Variants in DOP1A observed in about 807,000 individuals in gnomAD.
DOP1A encodes the protein protein DOP1A.
In DOP1A, 90 loss-of-function variants were observed where a neutral mutation model predicts 267.6. The observed-to-expected ratio is 0.34, with a 90% CI of 0.28 to 0.40. DOP1A has a LOEUF of 0.40. DOP1A is among the 10% of genes least tolerant of loss of function. The pLI is 1.00. For missense variants in DOP1A, 2,437 were observed against 2,900.4 expected (o/e 0.84, Z 3.67); for synonymous variants, 932 against 999.1 (o/e 0.93, Z 1.27).
downstream of DOP1A, chr6:83,169,780 C>A (rs1192625110): frequency 8.7e-6 from 4 of 457,604 alleles, no homozygotes; most frequent in Non-Finnish European, 1.8e-5. Flanking sequence ...TGGCTTTGCA[C>A]ACACTTTAAG....
chr6:83,168,957 C>T (rs951678634), downstream of DOP1A: 1 of 1,174,164 alleles, frequency 8.5e-7, no homozygotes, highest in African/African-American at 1.5e-5. Flanking sequence ...TTGTTCCCCA[C>T]ATAAAACTGT....
rs70987733 is a variant in DOP1A, at chr6:83,105,356, CTTTTTTTTTT to C, written c.321-3535_321-3526del. Among the ~76,000 whole-genome samples, 75 of 65,946 alleles carry C rather than the reference CTTTTTTTTTT, an allele frequency of 1.1e-3. No homozygotes were observed. The East Asian group carries it at 0.017, about 15-fold the overall frequency. 43.3% of individuals were successfully genotyped at this position (65,946 alleles called of 152,430 possible). On this transcript the variant is annotated intron_variant, in intron 4 of 38. Transcript: ENST00000349129. The stretch of plus-strand genomic sequence containing the variant: ...AAGAGAAATGAACATGGATGTCTTT[CTTTTTTTTTT>C]TTTTTTTTTTTTTTTTTTGAGACAG...
At chr6:83,102,196 A>G (rs1034587383) in intron 4 of DOP1A, among the ~76,000 whole-genome samples, 21 of 152,254 alleles carry the variant, frequency 1.4e-4, no homozygotes, top group Admixed American at 4.6e-4. Flanking sequence ...TTAAAGCTCA[A>G]TAAATGGTAT....
intron 27 of DOP1A, among the ~76,000 whole-genome samples, chr6:83,149,335 G>A (rs944603146): frequency 2.6e-5 from 4 of 152,178 alleles, no homozygotes; most frequent in African/African-American, 9.7e-5. Context: ...CAAGTACTGG[G>A]ATGTCATAGT....
Position 83,137,296 on chromosome 6 carries a change from G to A in DOP1A, c.3254G>A (p.Ser1085Asn). 1 of 1,613,748 alleles carries A rather than the reference G, an allele frequency of 6.2e-7. No homozygotes were observed. The change falls in exon 21 of 39, where the codon AGC (serine) becomes AAC (asparagine). Residue 1085 changes from serine to asparagine, a missense_variant. Transcript: ENST00000349129. ...LSDRLSLLST[S>N]SETIPMVVSD... The stretch of plus-strand genomic sequence containing the variant: ...GACAGACTTTCCCTCCTAAGTACCA[G>A]CAGTGAGACAATTCCAATGGTTGTG...
chr6:83,141,754 A>G (rs1457053564), intron 23 of DOP1A, among the ~76,000 whole-genome samples, 167 bp from the exon 24 acceptor site: 1 of 152,152 alleles, frequency 6.6e-6, no homozygotes, highest in Non-Finnish European at 1.5e-5. Flanking sequence ...TTTTAGAATT[A>G]TAGTCATATT....
intron 7 of DOP1A, among the ~76,000 whole-genome samples, chr6:83,116,464 G>A (rs1390305850): frequency 6.6e-6 from 1 of 152,096 alleles, no homozygotes; most frequent in African/African-American, 2.4e-5. Flanking sequence ...TAGATATTGG[G>A]AGAAACTTTT....
At position 83,168,265 on chromosome 6, in the gene DOP1A, C is replaced by T; in HGVS notation, c.*98C>T. 1 of 1,456,518 alleles carries T rather than the reference C, an allele frequency of 6.9e-7. No individual in the cohort carries two copies. Among genetic ancestry groups the T allele is most frequent in the Non-Finnish European group, 9.0e-7 (1 of 1,111,612 alleles). 90.2% of individuals were successfully genotyped at this position (1,456,518 alleles called of 1,614,324 possible). A position where few individuals can be genotyped will look rare whatever the true frequency, so the allele number is the denominator to read the frequency against. On this transcript the variant is annotated 3_prime_UTR_variant, in exon 39 of 39. Transcript: ENST00000349129. ...ATAGTTTTTCCTTTTTTGTATGTAA[C>T]AGAACACATTTCAGATTGTATTTAA...
intron 3 of DOP1A, among the ~76,000 whole-genome samples, chr6:83,099,680 A>G (rs181424790): frequency 0.053 from 7,423 of 138,980 alleles, 234 homozygotes; most frequent in Non-Finnish European, 0.083. Flanking sequence ...AGGATTGCAT[A>G]TGTGTGTGTG....
At chr6:83,104,104 A>G (rs188277425) in intron 4 of DOP1A, among the ~76,000 whole-genome samples, 60 of 152,266 alleles carry the variant, frequency 3.9e-4, no homozygotes, top group Non-Finnish European at 7.8e-4. Flanking sequence ...TTTGCTTGGT[A>G]TATTGCTGCT....
chr6:83,116,066 T>A (rs928643600), intron 7 of DOP1A, among the ~76,000 whole-genome samples: 7 of 152,220 alleles, frequency 4.6e-5, no homozygotes, highest in African/African-American at 1.7e-4. Context: ...ATTTGTTCTT[T>A]TGGTTAAAGT....
chr6:83,108,400 A>C (rs1196252504), intron 4 of DOP1A, among the ~76,000 whole-genome samples: 2 of 151,954 alleles, frequency 1.3e-5, no homozygotes, highest in Non-Finnish European at 2.9e-5. Context: ...CTGGTCTTAA[A>C]CTCCTGGGCC....
Position 83,118,893 on chromosome 6 carries a change from T to G in DOP1A, c.786T>G (p.Thr262=). ...FCFPFHMSQA[T]RPDMIRILSA... ...CATATTCCTAACTCTTTCAGGCCACTCGACCGGATATGATCAGGATCTTGT... is the reference window on the plus strand; with the variant it reads ...CATATTCCTAACTCTTTCAGGCCACGCGACCGGATATGATCAGGATCTTGT... The change falls in exon 8 of 39, where the codon ACT becomes ACG. Residue 262 remains threonine, a synonymous_variant. Transcript: ENST00000349129. The G allele has an allele frequency of 6.2e-7, 1 of 1,613,546 alleles. No individual in the cohort carries two copies. Among genetic ancestry groups the G allele is most frequent in the Non-Finnish European group, 8.5e-7 (1 of 1,179,574 alleles).
intron 1 of DOP1A, among the ~76,000 whole-genome samples, chr6:83,090,870 A>G (rs922282731): frequency 9.9e-5 from 15 of 152,172 alleles, no homozygotes; most frequent in South Asian, 2.1e-4. Flanking sequence ...TATAATGACA[A>G]TTTTATTTGC....
chr6:83,137,781 A>T lies in DOP1A; in HGVS notation c.3739A>T (p.Thr1247Ser), dbSNP rs779093723. 3.7e-6 allele frequency: 6 copies of T among 1,613,664 alleles called. No homozygotes were observed. In the South Asian group the frequency reaches 6.6e-5, roughly 18 times the overall value. ...ACCTTGTATTTCAGGAACCACACAC[A>T]CTCTTCATGACTCTTCTGTTGCTTC... is the stretch of plus-strand genomic sequence containing the variant. ...SSPCISGTTH[T>S]LHDSSVASIE... The change falls in exon 21 of 39, where the codon ACT becomes TCT. Residue 1247 changes from threonine to serine, a missense_variant. Transcript: ENST00000349129.
chr6:83,132,141 G>A (rs1477401871), intron 17 of DOP1A, 35 bp from the exon 18 acceptor site: 2 of 1,591,268 alleles, frequency 1.3e-6, no homozygotes, highest in Admixed American at 1.7e-5. Context: ...TTCATGTATG[G>A]TATTGTGACT....
At position 83,168,074 on chromosome 6, in the gene DOP1A, A is replaced by C. The variant is rs1259273422; in HGVS notation, c.7305A>C (p.Lys2435Asn). Reference protein sequence around the residue: ...YSNAFPNKDMKLENHKPCSSK... With the variant: ...YSNAFPNKDMNLENHKPCSSK... ...ATGCCTTCCCTAATAAGGACATGAA[A>C]CTGGAGAACCACAAACCATGTTCCA... is the stretch of plus-strand genomic sequence containing the variant. The change falls in exon 39 of 39, where the codon AAA becomes AAC. Residue 2435 changes from lysine (K) to asparagine (N), a missense_variant. By Grantham distance (94) the Lys-to-Asn change is moderately conservative. Transcript: ENST00000349129. The C allele has an allele frequency of 1.2e-6, 2 of 1,614,126 alleles. No individual in the cohort carries two copies. Among genetic ancestry groups the C allele is most frequent in the African/African-American group, 2.7e-5 (2 of 74,942 alleles).
At chr6:83,148,182 G>C (rs1780918289) in intron 26 of DOP1A, among the ~76,000 whole-genome samples, 1 of 151,952 alleles carries the variant, frequency 6.6e-6, no homozygotes, top group Non-Finnish European at 1.5e-5. Context: ...GGGAGGCCGA[G>C]GCGGGCGGAT....
Position 83,098,438 on chromosome 6 carries a change from C to A in DOP1A, c.138+1323C>A, listed in dbSNP as rs1259714356. Among the ~76,000 whole-genome samples, 3 of 152,178 alleles carry A rather than the reference C, an allele frequency of 2.0e-5. No homozygotes were observed. The East Asian group carries it at 5.8e-4, about 29-fold the overall frequency. On this transcript the variant is annotated intron_variant, in intron 3 of 38. Transcript: ENST00000349129. ...TACCTGGAGATAGTATCAGATCCCA[C>A]AGGTTGAGGGCTGAGCCTCATAAGA...
Sources: allele counts gnomAD v4.1 joint callset (sites outside exome capture counted in the v4.1 genomes callset), GRCh38; gene constraint gnomAD v4.1.1; transcripts MANE v1.5; gene names NCBI Gene and HGNC (gene_info 2026-07-23, HGNC 2026-07-21).